TSPAN18: variants seen among roughly 807,000 people sequenced by gnomAD.
TSPAN18 encodes the protein tetraspanin-18.
In TSPAN18, 14 loss-of-function variants were observed where a neutral mutation model predicts 27.3. That is an observed-to-expected ratio of 0.51 (90% CI 0.34 to 0.80). TSPAN18 has a LOEUF of 0.80. Ranked by LOEUF, TSPAN18 falls within the 30% of genes least tolerant of loss-of-function variation. TSPAN18 has a pLI of 0.01. For missense variants in TSPAN18, 268 were observed against 323.9 expected (o/e 0.83, Z 1.32); for synonymous variants, 143 against 136.5 (o/e 1.05, Z -0.33).
At chr11:44,745,927 T>A (rs1490147568) in intron 1 of TSPAN18, among the ~76,000 whole-genome samples, 3 of 152,154 alleles carry the variant, frequency 2.0e-5, no homozygotes, top group Non-Finnish European at 4.4e-5. Context: ...CTTGGGAGGC[T>A]GAGGCAGGAG....
At chr11:44,888,199 C>T (rs72901326) in intron 3 of TSPAN18, among the ~76,000 whole-genome samples, 19,728 of 152,140 alleles carry the variant, frequency 0.13, 1,452 homozygotes, top group East Asian at 0.17. Flanking sequence ...GCCCATCAGC[C>T]GGCAGGTGCC....
chr11:44,804,119 C>A (rs835815), intron 2 of TSPAN18, among the ~76,000 whole-genome samples: 23,013 of 151,708 alleles, frequency 0.15, 2,622 homozygotes, highest in East Asian at 0.46. Context: ...TTTTTCCCCC[C>A]AGAGACAGAG....
intron 2 of TSPAN18, among the ~76,000 whole-genome samples, chr11:44,766,568 C>T (rs936003064): frequency 6.6e-6 from 1 of 152,168 alleles, no homozygotes; most frequent in Non-Finnish European, 1.5e-5. Context: ...GGCCTCAAGC[C>T]TCGGTGTATA....
At chr11:44,797,703 T>C (rs1565153833) in intron 2 of TSPAN18, among the ~76,000 whole-genome samples, 1 of 152,168 alleles carries the variant, frequency 6.6e-6, no homozygotes, top group Non-Finnish European at 1.5e-5. Context: ...GGGATGAGAT[T>C]CTCAGGACTG....
chr11:44,921,821 CA>C (rs1468734985), intron 8 of TSPAN18, among the ~76,000 whole-genome samples: 2 of 152,208 alleles, frequency 1.3e-5, no homozygotes, highest in Non-Finnish European at 2.9e-5. Flanking sequence ...CCATGGGCCG[CA>C]TTCCCCGCAT....
chr11:44,909,084 A>G (rs4755296), intron 4 of TSPAN18, among the ~76,000 whole-genome samples: 83,325 of 151,890 alleles, frequency 0.55, 23,331 homozygotes, highest in East Asian at 0.83. Context: ...TAAATAAGAA[A>G]TCTTTTGAGC....
intron 5 of TSPAN18, among the ~76,000 whole-genome samples, chr11:44,910,251 AT>A (rs1332436455): frequency 6.6e-6 from 1 of 152,016 alleles, no homozygotes; most frequent in African/African-American, 2.4e-5. Context: ...CTCCCACTTC[AT>A]TTTGCTGCTT....
chr11:44,781,860 C>T (rs1460217679), intron 2 of TSPAN18, among the ~76,000 whole-genome samples: 3 of 152,142 alleles, frequency 2.0e-5, no homozygotes, highest in Non-Finnish European at 4.4e-5. Flanking sequence ...TGTTCCTTCC[C>T]CAGAGGCAAC....
At chr11:44,740,799 G>C (rs1281133150) in intron 1 of TSPAN18, among the ~76,000 whole-genome samples, 1 of 152,140 alleles carries the variant, frequency 6.6e-6, no homozygotes, top group Non-Finnish European at 1.5e-5. Flanking sequence ...CTGGACTTCT[G>C]TTTTGAGATG....
At position 44,931,644 on chromosome 11, in the gene TSPAN18, C is replaced by G. The variant is rs534188568; in HGVS notation, c.*2466C>G. On this transcript the variant is annotated 3_prime_UTR_variant, in exon 10 of 10. Transcript: ENST00000520358. ...GGCAGTTTCTGCTCCTGTTGGCATT[C>G]GCTCAGGCTGGTAGCTATTTGCAAG... 6.6e-6 allele frequency: 1 copy of G among 152,324 alleles called. No homozygotes were observed. Among genetic ancestry groups the G allele is most frequent in the African/African-American group, 2.4e-5 (1 of 41,460 alleles). 9.4% of individuals were successfully genotyped at this position (152,324 alleles called of 1,614,324 possible). A position where few individuals can be genotyped will look rare whatever the true frequency, so the allele number is the denominator to read the frequency against.
chr11:44,894,375 G>T (rs1249167432), intron 3 of TSPAN18, among the ~76,000 whole-genome samples: 2 of 152,182 alleles, frequency 1.3e-5, no homozygotes, highest in Non-Finnish European at 2.9e-5. Context: ...CCCTTTCTCG[G>T]CTCTGCACCA....
At chr11:44,895,408 G>C (rs1012447674) in intron 3 of TSPAN18, among the ~76,000 whole-genome samples, 7 of 152,134 alleles carry the variant, frequency 4.6e-5, no homozygotes, top group Non-Finnish European at 1.0e-4. Context: ...ACCTTGGAGA[G>C]GGGGGTGACT....
chr11:44,916,177 G>A (rs934265790), intron 5 of TSPAN18, among the ~76,000 whole-genome samples: 1 of 152,208 alleles, frequency 6.6e-6, no homozygotes, highest in Non-Finnish European at 1.5e-5. Context: ...CTCCTCCCGA[G>A]GCGCTCACTA....
At chr11:44,920,082 A>G in intron 8 of TSPAN18, 83 bp downstream of exon 8, 1 of 1,379,002 alleles carries the variant, frequency 7.3e-7, no homozygotes, top group Non-Finnish European at 9.9e-7. Flanking sequence ...CTATCACCCC[A>G]GAGGGTCTGA....
chr11:44,890,922 A>C (rs1254590789), intron 3 of TSPAN18, among the ~76,000 whole-genome samples: 1 of 152,190 alleles, frequency 6.6e-6, no homozygotes, highest in Non-Finnish European at 1.5e-5. Flanking sequence ...CTGTAATCCC[A>C]GCACTTTGGG....
chr11:44,910,449 G>C (rs1859667851), intron 5 of TSPAN18, among the ~76,000 whole-genome samples: 1 of 152,246 alleles, frequency 6.6e-6, no homozygotes, highest in Admixed American at 6.5e-5. Context: ...CGTGCCTGCA[G>C]TGGGTGAGCT....
chr11:44,798,471 ATTCC>A, intron 2 of TSPAN18, among the ~76,000 whole-genome samples: 1 of 152,320 alleles, frequency 6.6e-6, no homozygotes. Flanking sequence ...GCTCCAGTGC[ATTCC>A]TTCCCCCAAG....
chr11:44,865,674 TTTC>T (rs1461046463), intron 3 of TSPAN18, among the ~76,000 whole-genome samples: 1 of 152,098 alleles, frequency 6.6e-6, no homozygotes, highest in East Asian at 1.9e-4. Flanking sequence ...GACTAGAACT[TTTC>T]TTCTTTTTTT....
At chr11:44,756,257 G>T (rs2134870753) in intron 1 of TSPAN18, among the ~76,000 whole-genome samples, 1 of 148,378 alleles carries the variant, frequency 6.7e-6, no homozygotes, top group African/African-American at 2.5e-5. Context: ...AGTGTGTTGT[G>T]TGTGTGTGGA....
Sources: allele counts gnomAD v4.1 joint callset (sites outside exome capture counted in the v4.1 genomes callset), GRCh38; gene constraint gnomAD v4.1.1; transcripts MANE v1.5; gene names NCBI Gene and HGNC (gene_info 2026-07-23, HGNC 2026-07-21).